Variants in SLC1A2 observed in about 807,000 individuals in gnomAD.
SLC1A2 encodes the protein solute carrier family 1 member 2.
SLC1A2 carries 15 observed loss-of-function variants against 48.8 expected under a neutral mutation model. The ratio of observed to expected loss-of-function variants is 0.31; its 90% CI spans 0.21 to 0.47. The LOEUF (loss-of-function observed/expected upper bound fraction) is 0.47. Ranked by LOEUF, SLC1A2 falls within the 20% of genes least tolerant of loss-of-function variation. The probability of loss-of-function intolerance (pLI) is 0.99; values close to 1 mark genes in which losing one functional copy is unlikely to be tolerated. For missense variants in SLC1A2, 502 were observed against 730.5 expected (o/e 0.69, Z 3.61); for synonymous variants, 279 against 272.6 (o/e 1.02, Z -0.23).
chr11:35,398,320 C>T (rs1371725190), intron 1 of SLC1A2, among the ~76,000 whole-genome samples: 2 of 152,164 alleles, frequency 1.3e-5, no homozygotes, highest in Non-Finnish European at 2.9e-5. Flanking sequence ...CCACAGAATA[C>T]CATGCAGCCA....
At chr11:35,298,778 C>A (rs890919489) in intron 6 of SLC1A2, 4 of 152,160 alleles carry the variant, frequency 2.6e-5, no homozygotes, top group African/African-American at 9.7e-5. Flanking sequence ...ACACTTCATC[C>A]CACAGACTCA....
At chr11:35,311,883 A>AGAGAGG (rs1851701153) in intron 4 of SLC1A2, among the ~76,000 whole-genome samples, 1 of 62,566 alleles carries the variant, frequency 1.6e-5, no homozygotes, top group African/African-American at 4.9e-5. Flanking sequence ...AGAGAGAGAG[A>AGAGAGG]GAGAGAGAGG....
chr11:35,369,215 C>A (rs970020835), intron 1 of SLC1A2, among the ~76,000 whole-genome samples: 1 of 152,274 alleles, frequency 6.6e-6, no homozygotes, highest in Non-Finnish European at 1.5e-5. Context: ...TTTTCCCCCA[C>A]CACCTTCCCA....
intron 9 of SLC1A2, among the ~76,000 whole-genome samples, chr11:35,273,359 C>A (rs1365907151): frequency 6.6e-6 from 1 of 152,162 alleles, no homozygotes; most frequent in East Asian, 1.9e-4. Flanking sequence ...GTCCGGATAC[C>A]AGCCTGGATG....
intron 1 of SLC1A2, among the ~76,000 whole-genome samples, chr11:35,363,090 C>T (rs191353706): frequency 3.3e-4 from 51 of 152,286 alleles, no homozygotes; most frequent in Admixed American, 9.2e-4. Flanking sequence ...AGTCGGACTC[C>T]TGAGCCAATG....
intron 8 of SLC1A2, among the ~76,000 whole-genome samples, chr11:35,283,301 A>T (rs1170854320): frequency 6.6e-6 from 1 of 152,240 alleles, no homozygotes; most frequent in Non-Finnish European, 1.5e-5. Context: ...AAGGAGAGAA[A>T]TGAAAATTTT....
At chr11:35,276,695 T>A (rs903577298) in intron 9 of SLC1A2, among the ~76,000 whole-genome samples, 1 of 152,198 alleles carries the variant, frequency 6.6e-6, no homozygotes, top group Non-Finnish European at 1.5e-5. Flanking sequence ...GACCAGGACC[T>A]ACAATGGCAG....
At chr11:35,336,006 C>A (rs1852617350) in intron 1 of SLC1A2, among the ~76,000 whole-genome samples, 1 of 152,184 alleles carries the variant, frequency 6.6e-6, no homozygotes, top group African/African-American at 2.4e-5. Context: ...ATAAGATCAT[C>A]TCCTTCAGAG....
At chr11:35,365,091 C>T (rs1853797524) in intron 1 of SLC1A2, among the ~76,000 whole-genome samples, 1 of 152,186 alleles carries the variant, frequency 6.6e-6, no homozygotes, top group Admixed American at 6.5e-5. Context: ...TGTTAAGTGA[C>T]AAATCCACAT....
At chr11:35,408,338 TG>T (rs1246933776) in intron 1 of SLC1A2, among the ~76,000 whole-genome samples, 1 of 152,178 alleles carries the variant, frequency 6.6e-6, no homozygotes, top group African/African-American at 2.4e-5. Context: ...CAACTTGAAT[TG>T]TATCTCCCAG....
chr11:35,307,229 G>C (rs932148118), intron 4 of SLC1A2: 6 of 152,162 alleles, frequency 3.9e-5, no homozygotes, highest in African/African-American at 7.2e-5. Context: ...GCCAGGCTCA[G>C]CTGGAAATCT....
chr11:35,298,221 TTTAAG>T (rs1180443294), intron 6 of SLC1A2: 1 of 152,222 alleles, frequency 6.6e-6, no homozygotes. Flanking sequence ...ATTTGGTAAA[TTTAAG>T]TTATTTAATA....
intron 8 of SLC1A2, chr11:35,285,321 T>G (rs1362769761): frequency 1.3e-5 from 2 of 152,244 alleles, no homozygotes; most frequent in Non-Finnish European, 2.9e-5. Context: ...GAATAATGAC[T>G]ATTCCTTCTC....
intron 3 of SLC1A2, among the ~76,000 whole-genome samples, chr11:35,314,546 C>G (rs926559512): frequency 3.3e-5 from 5 of 151,952 alleles, no homozygotes; most frequent in Non-Finnish European, 7.4e-5. Flanking sequence ...AACCCTGTCT[C>G]TACTAAAAAT....
chr11:35,402,541 G>A (rs1855166753), intron 1 of SLC1A2, among the ~76,000 whole-genome samples: 1 of 152,192 alleles, frequency 6.6e-6, no homozygotes. Context: ...TCAGTAAAAT[G>A]TTTCCTTGTG....
At chr11:35,313,670 CA>C (rs1851779769) in intron 3 of SLC1A2, among the ~76,000 whole-genome samples, 1 of 152,158 alleles carries the variant, frequency 6.6e-6, no homozygotes, top group African/African-American at 2.4e-5. Flanking sequence ...GTTTCCCCAC[CA>C]AGTTGGCCAA....
At position 35,259,833 on chromosome 11, in the gene SLC1A2, T is replaced by C. The variant is rs569646924; in HGVS notation, c.*1061A>G. 6.6e-6 allele frequency: 1 copy of C among 152,228 alleles called. No homozygotes were observed. Among genetic ancestry groups the C allele is most frequent in the Admixed American group, 6.5e-5 (1 of 15,282 alleles). 9.4% of individuals were successfully genotyped at this position (152,228 alleles called of 1,614,324 possible). ...TATTGGATAAATACCAGTATTTTTGTTTCATCAAGAGATGACATTAAAAGA... is the reference window on the plus strand; with the variant it reads ...TATTGGATAAATACCAGTATTTTTGCTTCATCAAGAGATGACATTAAAAGA... On this transcript the variant is annotated 3_prime_UTR_variant, in exon 11 of 11. Coordinates refer to ENST00000278379, the MANE Select transcript of SLC1A2 (RefSeq NM_004171.4).
chr11:35,419,133 C>A lies in SLC1A2; in HGVS notation c.-167G>T, dbSNP rs534052114. On this transcript the variant is annotated 5_prime_UTR_variant, in exon 1 of 11. Coordinates refer to ENST00000278379, the MANE Select transcript of SLC1A2 (RefSeq NM_004171.4). The surrounding 1 kb of genome is among the most constrained non-coding windows in gnomAD (Gnocchi z 5.4). ...GTAAGCCCTTTAGCGCCTCAACGGG[C>A]GCAGGAGGCTCCTGCGGGCGCTAAT... 2.1e-5 allele frequency: 11 copies of A among 520,494 alleles called. No individual in the cohort carries two copies. Among genetic ancestry groups the A allele is most frequent in the Non-Finnish European group, 3.0e-5 (9 of 298,528 alleles). 32.2% of individuals were successfully genotyped at this position (520,494 alleles called of 1,614,324 possible).
At position 35,265,667 on chromosome 11, in the gene SLC1A2, C is replaced by A. The variant is rs1213980608; in HGVS notation, c.1513G>T (p.Asp505Tyr). The change falls in exon 10 of 11, where the codon GAC becomes TAC. Residue 505 changes from aspartate to tyrosine, a missense_variant. Physicochemically the swap from Asp to Tyr is radical, Grantham distance 160. Coordinates refer to ENST00000278379, the MANE Select transcript of SLC1A2 (RefSeq NM_004171.4). ...HLSKSELDTI[D>Y]SQHRVHEDIE... ...TCTTCATGCACTCGATGCTGGGAGTCAATGGTATCCAGCTCAGACTTGGAG... is the reference window on the plus strand; with the variant it reads ...TCTTCATGCACTCGATGCTGGGAGTAAATGGTATCCAGCTCAGACTTGGAG... 1 of 1,613,546 alleles carries A rather than the reference C, an allele frequency of 6.2e-7. No individual in the cohort carries two copies. The highest frequency in any genetic ancestry group is 1.3e-5 in the African/African-American group (1 of 74,892).
Sources: gnomAD v4.1 joint callset for allele counts (sites outside exome capture counted in the v4.1 genomes callset) on GRCh38, gnomAD v4.1.1 for gene constraint, Gnocchi (gnomAD v3.1) non-coding constraint, MANE v1.5 for transcripts, NCBI Gene and HGNC (gene_info 2026-07-23, HGNC 2026-07-21) for gene names.